Variants in PTPRG observed in about 807,000 individuals in gnomAD.
The protein encoded by PTPRG is protein tyrosine phosphatase receptor type G, also known as receptor-type tyrosine-protein phosphatase gamma.
In PTPRG, 102 loss-of-function variants were observed where a neutral mutation model predicts 165.3. The observed-to-expected ratio is 0.62, with a 90% CI of 0.53 to 0.73. PTPRG has a LOEUF of 0.73. Among genes scored for constraint, PTPRG ranks in the 30% least tolerant of loss-of-function variants. PTPRG has a pLI of 0.00. For missense variants in PTPRG, 1,866 were observed against 1,861.4 expected (o/e 1.00, Z -0.05); for synonymous variants, 675 against 669.5 (o/e 1.01, Z -0.13).
chr3:61,596,590 A>G (rs1450611403), intron 1 of PTPRG, among the ~76,000 whole-genome samples: 1 of 152,160 alleles, frequency 6.6e-6, no homozygotes. Context: ...CACTTCTCTC[A>G]TTCCTGATGA....
At chr3:62,040,218 G>C (rs906260656) in intron 4 of PTPRG, among the ~76,000 whole-genome samples, 1 of 152,136 alleles carries the variant, frequency 6.6e-6, no homozygotes, top group Non-Finnish European at 1.5e-5. Flanking sequence ...ACATACCAAA[G>C]TACATTCCAA....
chr3:61,983,923 A>C (rs2040698068), intron 2 of PTPRG, among the ~76,000 whole-genome samples: 1 of 152,176 alleles, frequency 6.6e-6, no homozygotes, highest in Admixed American at 6.5e-5. Context: ...AATAGAATTA[A>C]CTAGCATTGA....
At chr3:61,786,269 AT>A (rs2034699016) in intron 2 of PTPRG, among the ~76,000 whole-genome samples, 1 of 152,200 alleles carries the variant, frequency 6.6e-6, no homozygotes, top group South Asian at 2.1e-4. Flanking sequence ...TAAAAAATTC[AT>A]TTTATTCTTC....
chr3:61,721,470 T>A (rs1404836013), intron 1 of PTPRG, among the ~76,000 whole-genome samples: 1 of 152,216 alleles, frequency 6.6e-6, no homozygotes, highest in African/African-American at 2.4e-5. Flanking sequence ...GGTAGAGATG[T>A]GTCTAGAGAA....
At chr3:61,990,253 T>C (rs986870787) in intron 3 of PTPRG, among the ~76,000 whole-genome samples, 1 of 152,202 alleles carries the variant, frequency 6.6e-6, no homozygotes, top group Admixed American at 6.5e-5. Flanking sequence ...GACTACCCTA[T>C]TGGGCAGCCC....
At chr3:61,575,229 G>GGT (rs1279042946) in intron 1 of PTPRG, among the ~76,000 whole-genome samples, 1 of 152,122 alleles carries the variant, frequency 6.6e-6, no homozygotes, top group Non-Finnish European at 1.5e-5. Flanking sequence ...GCGAAGTGGA[G>GGT]GTAAAATTGA....
intron 2 of PTPRG, among the ~76,000 whole-genome samples, chr3:61,960,755 T>C (rs893375418): frequency 2.0e-5 from 3 of 152,138 alleles, no homozygotes; most frequent in Non-Finnish European, 4.4e-5. Flanking sequence ...CATTAAGTAA[T>C]TATAGCTTTA....
intron 1 of PTPRG, among the ~76,000 whole-genome samples, chr3:61,722,280 T>A (rs559526521): frequency 3.9e-5 from 6 of 152,104 alleles, no homozygotes; most frequent in Non-Finnish European, 8.8e-5. Context: ...CTGTTTATAA[T>A]GAACTCTCTC....
At chr3:61,835,621 C>T (rs2036434229) in intron 2 of PTPRG, among the ~76,000 whole-genome samples, 1 of 152,086 alleles carries the variant, frequency 6.6e-6, no homozygotes, top group South Asian at 2.1e-4. Context: ...CATGAACCAC[C>T]ACGCCCAGCC....
At position 62,060,495 on chromosome 3, in the gene PTPRG, C is replaced by T. The variant is rs140064478; in HGVS notation, c.520-17668C>T. The stretch of plus-strand genomic sequence containing the variant: ...TCTTTCCTCATCAGGATGCCAGTTA[C>T]GTGGATGTGCTCACTCTGAGACTTC... On this transcript the variant is annotated intron_variant, in intron 4 of 29. Coordinates refer to ENST00000474889, the MANE Select transcript of PTPRG (RefSeq NM_002841.4). 7.9e-5 allele frequency among the ~76,000 whole-genome samples: 12 copies of T among 152,280 alleles called. No homozygotes were observed. In the East Asian group the frequency reaches 2.1e-3, roughly 27 times the overall value.
intron 14 of PTPRG, among the ~76,000 whole-genome samples, chr3:62,238,172 A>G (rs1159825012): frequency 6.6e-6 from 1 of 152,200 alleles, no homozygotes; most frequent in African/African-American, 2.4e-5. Flanking sequence ...AATGGGACCA[A>G]CTTAGGGACC....
chr3:61,887,010 G>A (rs947422754), intron 2 of PTPRG, among the ~76,000 whole-genome samples: 1 of 150,336 alleles, frequency 6.7e-6, no homozygotes, highest in Admixed American at 6.6e-5. Flanking sequence ...TCTTGTGTGC[G>A]CTACTAATAT....
chr3:62,042,279 CAGGTAT>C (rs945844609), intron 4 of PTPRG, among the ~76,000 whole-genome samples: 18 of 152,278 alleles, frequency 1.2e-4, no homozygotes, highest in African/African-American at 4.1e-4. Context: ...TGCCCAGCGA[CAGGTAT>C]GGAATAAACC....
chr3:61,775,331 A>G (rs562906967), intron 2 of PTPRG, among the ~76,000 whole-genome samples: 2 of 152,244 alleles, frequency 1.3e-5, no homozygotes, highest in Non-Finnish European at 2.9e-5. Flanking sequence ...TTGGCCTCCC[A>G]AAGTGCTGGG....
chr3:61,648,577 G>T (rs1702267309), intron 1 of PTPRG, among the ~76,000 whole-genome samples: 1 of 152,250 alleles, frequency 6.6e-6, no homozygotes, highest in South Asian at 2.1e-4. Context: ...TAAATGCAGG[G>T]TGTTTGAGTG....
intron 4 of PTPRG, among the ~76,000 whole-genome samples, chr3:62,070,522 C>T (rs567680189): frequency 6.6e-6 from 1 of 152,224 alleles, no homozygotes; most frequent in South Asian, 2.1e-4. Context: ...GCTAGGGACA[C>T]AGCCTTGCAC....
chr3:61,645,587 G>A (rs577873396), intron 1 of PTPRG, among the ~76,000 whole-genome samples: 7 of 152,340 alleles, frequency 4.6e-5, no homozygotes, highest in South Asian at 2.1e-4. Context: ...GAGAAGCCTC[G>A]TTGCCTTAAC....
At chr3:62,261,899 A>G (rs1701710976) in intron 16 of PTPRG, 1 of 152,216 alleles carries the variant, frequency 6.6e-6, no homozygotes, top group Non-Finnish European at 1.5e-5. Flanking sequence ...GGAAAAAAAA[A>G]GTCTGCATGC....
Position 61,565,002 on chromosome 3 carries a change from T to C in PTPRG, c.85+2630T>C, listed in dbSNP as rs577766398. Among the ~76,000 whole-genome samples, 3 of 152,374 alleles carry C rather than the reference T, an allele frequency of 2.0e-5. No individual in the cohort carries two copies. The East Asian group carries it at 5.8e-4, about 29-fold the overall frequency. ...ATGAGGGATAAAAATGCTTCTGTTT[T>C]GGAGTAGGGTCGTCCTTGTGAGGTC... On this transcript the variant is annotated intron_variant, in intron 1 of 29. Coordinates refer to ENST00000474889, the MANE Select transcript of PTPRG (RefSeq NM_002841.4).
Sources: allele counts gnomAD v4.1 joint callset (sites outside exome capture counted in the v4.1 genomes callset), GRCh38; gene constraint gnomAD v4.1.1; transcripts MANE v1.5; gene names NCBI Gene and HGNC (gene_info 2026-07-23, HGNC 2026-07-21).